CALN1: variants seen among roughly 807,000 people sequenced by gnomAD.
CALN1 encodes the protein calneuron 1.
In CALN1, 17 loss-of-function variants were observed where a neutral mutation model predicts 30.6. That is an observed-to-expected ratio of 0.56 (90% CI 0.38 to 0.83). The LOEUF (loss-of-function observed/expected upper bound fraction) is 0.83, where lower values mean the gene tolerates loss of function less well. CALN1 is among the 40% of genes least tolerant of loss of function. The pLI is 0.00. For missense variants in CALN1, 291 were observed against 354.9 expected (o/e 0.82, Z 1.45); for synonymous variants, 156 against 131.4 (o/e 1.19, Z -1.28).
At chr7:72,409,006 G>A (rs928607540) in intron 1 of CALN1, among the ~76,000 whole-genome samples, 4 of 151,250 alleles carry the variant, frequency 2.6e-5, no homozygotes, top group Admixed American at 1.3e-4. Flanking sequence ...GGGCAGGGGG[G>A]CAGCGGTGGA....
intron 4 of CALN1, among the ~76,000 whole-genome samples, chr7:72,058,069 C>T (rs773098607): frequency 2.6e-5 from 4 of 152,124 alleles, no homozygotes; most frequent in Non-Finnish European, 4.4e-5. Context: ...GATCATTTCA[C>T]GCAAAATTAG....
chr7:72,104,779 A>C (rs1806959425), intron 4 of CALN1, among the ~76,000 whole-genome samples: 1 of 152,232 alleles, frequency 6.6e-6, no homozygotes. Context: ...CAACATGGCG[A>C]AACTCCGTCT....
chr7:72,205,791 C>T (rs1316975367), intron 3 of CALN1, among the ~76,000 whole-genome samples: 1 of 151,632 alleles, frequency 6.6e-6, no homozygotes, highest in Non-Finnish European at 1.5e-5. Flanking sequence ...AGTGCAATCT[C>T]TAACAGCTGT....
chr7:72,098,764 G>GCGCACACACA (rs1414936509), intron 4 of CALN1, among the ~76,000 whole-genome samples: 56 of 142,830 alleles, frequency 3.9e-4, no homozygotes, highest in African/African-American at 1.4e-3. Flanking sequence ...CATTTGGCGC[G>GCGCACACACA]CACACACACA....
At chr7:72,181,107 CCCCA>C (rs1219986236) in intron 3 of CALN1, among the ~76,000 whole-genome samples, 48 of 95,372 alleles carry the variant, frequency 5.0e-4, no homozygotes, top group South Asian at 2.0e-3. Flanking sequence ...CCCCCCCCCC[CCCCA>C]AAAAAAAAAA....
intron 1 of CALN1, among the ~76,000 whole-genome samples, chr7:72,406,775 CCTGG>C: frequency 6.6e-6 from 1 of 152,214 alleles, no homozygotes; most frequent in South Asian, 2.1e-4. Flanking sequence ...CACCACCAGG[CCTGG>C]CTAATTTTTG....
At chr7:72,333,364 T>C (rs973260466) in intron 2 of CALN1, among the ~76,000 whole-genome samples, 1 of 152,256 alleles carries the variant, frequency 6.6e-6, no homozygotes, top group Admixed American at 6.5e-5. Context: ...GTTTGTTGAA[T>C]GTTAAATGAT....
At chr7:71,801,424 G>GTATCTATCTATCTATCTATCTATC (rs1302790129) in intron 6 of CALN1, among the ~76,000 whole-genome samples, 21 of 102,678 alleles carry the variant, frequency 2.0e-4, no homozygotes, top group Non-Finnish European at 2.8e-4. Flanking sequence ...ATGTATGTAT[G>GTATCTATCTATCTATCTATCTATC]TATGTATCTA....
intron 3 of CALN1, among the ~76,000 whole-genome samples, chr7:72,251,433 C>G (rs765869005): frequency 6.6e-6 from 1 of 151,916 alleles, no homozygotes; most frequent in Non-Finnish European, 1.5e-5. Flanking sequence ...GAGTGTTGCT[C>G]TGTTGCCCAG....
At position 71,893,639 on chromosome 7, in the gene CALN1, C is replaced by T. The variant is rs536643178; in HGVS notation, c.502-83147G>A. 9.3e-5 allele frequency among the ~76,000 whole-genome samples: 14 copies of T among 151,158 alleles called. No homozygotes were observed. In the East Asian group the frequency reaches 2.3e-3, roughly 25 times the overall value. On this transcript the variant is annotated intron_variant, in intron 5 of 6. Transcript: ENST00000395275. ...CTGAGAGGTAGAGATTGCAGTGAGCCGAGATCACATCACTGCACTCTAGCC... is the reference window on the plus strand; with the variant it reads ...CTGAGAGGTAGAGATTGCAGTGAGCTGAGATCACATCACTGCACTCTAGCC...
chr7:72,424,425 G>C (rs1807732590), intron 1 of CALN1, among the ~76,000 whole-genome samples: 1 of 152,026 alleles, frequency 6.6e-6, no homozygotes, highest in African/African-American at 2.4e-5. Context: ...AATGTGTAGT[G>C]CCCTAACCTA....
chr7:72,112,731 G>A (rs1563069391), intron 3 of CALN1, among the ~76,000 whole-genome samples: 1 of 152,180 alleles, frequency 6.6e-6, no homozygotes, highest in East Asian at 1.9e-4. Flanking sequence ...TATGTCAGGG[G>A]CTGTGCCAGG....
intron 2 of CALN1, among the ~76,000 whole-genome samples, chr7:72,341,224 C>T (rs568216910): frequency 7.2e-5 from 11 of 152,298 alleles, no homozygotes; most frequent in African/African-American, 2.6e-4. Flanking sequence ...AACCATGTCA[C>T]CAAAGTGCCT....
the CALN1 span, among the ~76,000 whole-genome samples, chr7:72,456,378 A>C: frequency 9.9e-5 from 15 of 151,714 alleles, no homozygotes; most frequent in Non-Finnish European, 1.9e-4. Context: ...ATAAATAGAT[A>C]AATAAATAAA....
chr7:72,345,152 C>A (rs1802572280), intron 2 of CALN1, among the ~76,000 whole-genome samples: 2 of 148,346 alleles, frequency 1.3e-5, no homozygotes, highest in African/African-American at 4.9e-5. Flanking sequence ...TTATACAATG[C>A]CAAAAGAAAA....
intron 2 of CALN1, among the ~76,000 whole-genome samples, chr7:72,317,091 A>AGAAAGAAAGAGG (rs796294402): frequency 8.2e-6 from 1 of 122,262 alleles, no homozygotes; most frequent in East Asian, 2.5e-4. Flanking sequence ...AGAGAGAGAG[A>AGAAAGAAAGAGG]GAGGGAGGGA....
intron 3 of CALN1, among the ~76,000 whole-genome samples, chr7:72,118,927 A>G (rs1456503790): frequency 1.3e-5 from 2 of 152,212 alleles, no homozygotes; most frequent in Non-Finnish European, 2.9e-5. Flanking sequence ...AAAGCATGAA[A>G]AACTGTTCAG....
chr7:72,289,739 A>G (rs1445818167), intron 2 of CALN1, among the ~76,000 whole-genome samples: 6 of 152,138 alleles, frequency 3.9e-5, no homozygotes, highest in Non-Finnish European at 1.5e-5. Flanking sequence ...TGAATTTTAA[A>G]TATTTATTAC....
intron 5 of CALN1, among the ~76,000 whole-genome samples, chr7:71,975,361 C>G (rs1798052447): frequency 6.6e-6 from 1 of 152,156 alleles, no homozygotes; most frequent in Admixed American, 6.5e-5. Flanking sequence ...TGTTAATTTT[C>G]CTGGCACAAT....
Sources: allele counts gnomAD v4.1 joint callset (sites outside exome capture counted in the v4.1 genomes callset), GRCh38; gene constraint gnomAD v4.1.1; transcripts MANE v1.5; gene names NCBI Gene and HGNC (gene_info 2026-07-23, HGNC 2026-07-21).